RPS6KC1: variants seen among roughly 807,000 people sequenced by gnomAD.
RPS6KC1 encodes the protein inactive ribosomal protein S6 kinase delta-1.
A neutral mutation model predicts 103.8 loss-of-function variants in RPS6KC1; 54 were observed. The observed-to-expected ratio is 0.52, with a 90% CI of 0.42 to 0.65. The LOEUF (loss-of-function observed/expected upper bound fraction) is 0.65, where lower values mean the gene tolerates loss of function less well. Among genes scored for constraint, RPS6KC1 ranks in the 30% least tolerant of loss-of-function variants. The pLI is 0.00. For missense variants in RPS6KC1, 1,151 were observed against 1,253.8 expected (o/e 0.92, Z 1.24); for synonymous variants, 439 against 438.7 (o/e 1.00, Z -0.01).
chr1:213,733,240 T>TC, the RPS6KC1 span, among the ~76,000 whole-genome samples: 2 of 7,658 alleles, frequency 2.6e-4, no homozygotes, highest in Non-Finnish European at 4.6e-4. Flanking sequence ...TTGGGTTTTG[T>TC]TTTTTTTTTT....
chr1:213,253,488 T>A (rs1192612013), intron 12 of RPS6KC1, among the ~76,000 whole-genome samples: 1 of 152,244 alleles, frequency 6.6e-6, no homozygotes, highest in East Asian at 1.9e-4. Context: ...TTCATGTTTT[T>A]AAAACTTTAT....
chr1:213,054,930 T>C (rs2077214226), intron 1 of RPS6KC1, among the ~76,000 whole-genome samples: 1 of 152,242 alleles, frequency 6.6e-6, no homozygotes, highest in Admixed American at 6.5e-5. Flanking sequence ...TATTTCATCA[T>C]GCTAAGTTTA....
chr1:213,260,802 G>A (rs973906333), intron 12 of RPS6KC1, among the ~76,000 whole-genome samples: 1 of 151,256 alleles, frequency 6.6e-6, no homozygotes, highest in Non-Finnish European at 1.5e-5. Context: ...TTGCTGATTG[G>A]TGCAGGAACC....
At chr1:213,120,098 A>G (rs577103876) in intron 5 of RPS6KC1, among the ~76,000 whole-genome samples, 1 of 152,304 alleles carries the variant, frequency 6.6e-6, no homozygotes, top group South Asian at 2.1e-4. Flanking sequence ...CTTTTATGAG[A>G]GAAATTGGGG....
At chr1:213,801,355 T>G in the RPS6KC1 span, among the ~76,000 whole-genome samples, 1 of 152,228 alleles carries the variant, frequency 6.6e-6, no homozygotes, top group Non-Finnish European at 1.5e-5. Context: ...AAGACATAAC[T>G]GTAATTCTGT....
At chr1:213,191,619 A>C (rs4951664) in intron 8 of RPS6KC1, among the ~76,000 whole-genome samples, 1 of 151,710 alleles carries the variant, frequency 6.6e-6, no homozygotes, top group African/African-American at 2.4e-5. Flanking sequence ...TTCAATTTAG[A>C]TGCTCTTTAT....
At chr1:213,589,387 C>A in the RPS6KC1 span, among the ~76,000 whole-genome samples, 1 of 152,156 alleles carries the variant, frequency 6.6e-6, no homozygotes, top group Non-Finnish European at 1.5e-5. Flanking sequence ...GGCCTGTAAT[C>A]CCAGCGCTTT....
chr1:213,053,897 C>T (rs1024126647), intron 1 of RPS6KC1, among the ~76,000 whole-genome samples: 2 of 151,314 alleles, frequency 1.3e-5, no homozygotes, highest in Non-Finnish European at 1.5e-5. Flanking sequence ...AGTGCAGTGG[C>T]GCTATCTCAG....
At position 213,117,412 on chromosome 1, in the gene RPS6KC1, T is replaced by TAAG. The variant is rs541997155; in HGVS notation, c.472+4_472+6dup. The stretch of plus-strand genomic sequence containing the variant: ...CCTTTCCTGAGTGTAGTACGGAAGG[T>TAAG]AAGAGATTTTAATTTTTTTGCATTT... On this transcript the variant is annotated splice_region_variant and intron_variant, in intron 5 of 14. Coordinates refer to ENST00000366960, the MANE Select transcript of RPS6KC1 (RefSeq NM_012424.6). 7.9e-4 allele frequency: 1,245 copies of TAAG among 1,572,788 alleles called. 8 individuals carry two copies. The African/African-American group carries it at 0.015, about 19-fold the overall frequency.
chr1:213,823,369 G>T, the RPS6KC1 span, among the ~76,000 whole-genome samples: 1 of 152,258 alleles, frequency 6.6e-6, no homozygotes, highest in African/African-American at 2.4e-5. Flanking sequence ...CTAGTGCCTG[G>T]CACACGATAG....
At chr1:213,200,950 C>T (rs1473737629) in intron 8 of RPS6KC1, among the ~76,000 whole-genome samples, 2 of 148,668 alleles carry the variant, frequency 1.3e-5, no homozygotes, top group Admixed American at 1.3e-4. Context: ...AGAGGAACTA[C>T]AGACACTGGG....
At chr1:213,155,053 A>G (rs925493532) in intron 6 of RPS6KC1, among the ~76,000 whole-genome samples, 5 of 152,180 alleles carry the variant, frequency 3.3e-5, no homozygotes, top group African/African-American at 1.2e-4. Flanking sequence ...ATGTCTGGGA[A>G]CTAGGACCTG....
At position 213,222,698 on chromosome 1, in the gene RPS6KC1, G is replaced by C. The variant is rs933506727; in HGVS notation, c.1045-7799G>C. ...GAATTTTTATAAAGATGCCTCATGA[G>C]AATAAGGTGTGGAATTAAGAGTAGA... On this transcript the variant is annotated intron_variant, in intron 8 of 14. Coordinates refer to ENST00000366960, the MANE Select transcript of RPS6KC1 (RefSeq NM_012424.6). 2.0e-5 allele frequency among the ~76,000 whole-genome samples: 3 copies of C among 152,234 alleles called. No homozygotes were observed. The East Asian group carries it at 5.8e-4, about 29-fold the overall frequency.
At chr1:213,134,227 T>C (rs772252887) in intron 6 of RPS6KC1, among the ~76,000 whole-genome samples, 4 of 152,124 alleles carry the variant, frequency 2.6e-5, no homozygotes, top group Non-Finnish European at 5.9e-5. Flanking sequence ...GCCATAGTTA[T>C]ACCCGTTGCT....
chr1:213,812,193 G>C, the RPS6KC1 span, among the ~76,000 whole-genome samples: 1 of 151,960 alleles, frequency 6.6e-6, no homozygotes, highest in Non-Finnish European at 1.5e-5. Flanking sequence ...TGAAGGAAAA[G>C]GAGGGAGGGA....
chr1:213,104,227 T>G lies in RPS6KC1; in HGVS notation c.263-227T>G, dbSNP rs576834144. ...TCTAAATTATGAATGTACCATTTAT[T>G]TATCGGTTGACACCTTTGTCTCTTG... On this transcript the variant is annotated intron_variant, in intron 3 of 14. Coordinates refer to ENST00000366960, the MANE Select transcript of RPS6KC1 (RefSeq NM_012424.6). Among the ~76,000 whole-genome samples, 138 of 152,360 alleles carry G rather than the reference T, an allele frequency of 9.1e-4. 1 individual carries two copies. Among genetic ancestry groups the G allele is most frequent in the African/African-American group, 3.3e-3 (137 of 41,588 alleles).
chr1:213,216,073 A>G (rs1053956147), intron 8 of RPS6KC1, among the ~76,000 whole-genome samples: 1 of 152,238 alleles, frequency 6.6e-6, no homozygotes, highest in Non-Finnish European at 1.5e-5. Context: ...ATTAAAAGAT[A>G]CAGACTGGCA....
the RPS6KC1 span, among the ~76,000 whole-genome samples, chr1:213,801,424 A>C: frequency 6.6e-6 from 1 of 152,234 alleles, no homozygotes; most frequent in Non-Finnish European, 1.5e-5. Context: ...TTACTTGGAG[A>C]CATGTAAATG....
At chr1:213,403,565 A>T in the RPS6KC1 span, among the ~76,000 whole-genome samples, 1 of 152,124 alleles carries the variant, frequency 6.6e-6, no homozygotes, top group African/African-American at 2.4e-5. Context: ...TGAGTGTGCC[A>T]TCTGTTTCCT....
Sources: allele counts gnomAD v4.1 joint callset (sites outside exome capture counted in the v4.1 genomes callset), GRCh38; gene constraint gnomAD v4.1.1; transcripts MANE v1.5; gene names NCBI Gene and HGNC (gene_info 2026-07-23, HGNC 2026-07-21).